The following SORCS3 variants were observed in gnomAD, a reference collection of about 807,000 sequenced individuals.
SORCS3 encodes sortilin related VPS10 domain containing receptor 3.
In SORCS3, 57 loss-of-function variants were observed where a neutral mutation model predicts 146.3. That is an observed-to-expected ratio of 0.39 (90% CI 0.31 to 0.49). SORCS3 has a LOEUF of 0.49. Ranked by LOEUF, SORCS3 falls within the 20% of genes least tolerant of loss-of-function variation. SORCS3 has a pLI of 0.92. For missense variants in SORCS3, 1,341 were observed against 1,575.5 expected (o/e 0.85, Z 2.52); for synonymous variants, 653 against 618.5 (o/e 1.06, Z -0.83).
chr10:105,019,383 G>A (rs2055186126), intron 4 of SORCS3, among the ~76,000 whole-genome samples: 1 of 152,164 alleles, frequency 6.6e-6, no homozygotes, highest in African/African-American at 2.4e-5. Context: ...GAGTCTTTCA[G>A]TCTAGATCCC....
chr10:105,147,480 A>T (rs10160134), intron 8 of SORCS3, 137 bp from the exon 9 acceptor site: 6 of 633,784 alleles, frequency 9.5e-6, no homozygotes, highest in Non-Finnish European at 1.2e-5. Flanking sequence ...GCCTTGGTTC[A>T]ACATGGAATT....
chr10:105,134,659 C>T (rs1378703387), intron 7 of SORCS3, among the ~76,000 whole-genome samples: 5 of 151,956 alleles, frequency 3.3e-5, no homozygotes, highest in African/African-American at 9.7e-5. Context: ...ACCTCTTGAA[C>T]GGCCCCAACT....
At chr10:104,933,372 C>G (rs549010913) in intron 3 of SORCS3, among the ~76,000 whole-genome samples, 3 of 151,332 alleles carry the variant, frequency 2.0e-5, no homozygotes, top group Non-Finnish European at 4.4e-5. Context: ...CCCAGACAGA[C>G]AGTAAAATGT....
chr10:104,885,818 T>C (rs2018676533), intron 2 of SORCS3, among the ~76,000 whole-genome samples: 1 of 152,194 alleles, frequency 6.6e-6, no homozygotes, highest in African/African-American at 2.4e-5. Context: ...TTCTGAGAAT[T>C]TCTCTTAGCT....
chr10:105,088,306 G>A (rs117525990), intron 5 of SORCS3, among the ~76,000 whole-genome samples: 2,857 of 152,020 alleles, frequency 0.019, 46 homozygotes, highest in Non-Finnish European at 0.028. Flanking sequence ...GATAAAATGA[G>A]GTAAAGAAAA....
chr10:105,169,122 C>T (rs1386935082), intron 13 of SORCS3, among the ~76,000 whole-genome samples: 2 of 152,072 alleles, frequency 1.3e-5, no homozygotes, highest in African/African-American at 4.8e-5. Flanking sequence ...TTTTATCACC[C>T]ACTTATAATG....
At chr10:104,745,373 T>G (rs540309588) in intron 1 of SORCS3, among the ~76,000 whole-genome samples, 76 of 152,310 alleles carry the variant, frequency 5.0e-4, no homozygotes, top group Admixed American at 2.4e-3. Context: ...TAGTATATAC[T>G]TATATAGAAG....
At chr10:104,790,802 T>G (rs2017487954) in intron 1 of SORCS3, among the ~76,000 whole-genome samples, 1 of 152,306 alleles carries the variant, frequency 6.6e-6, no homozygotes, top group Admixed American at 6.5e-5. Flanking sequence ...CTAATGACAT[T>G]TACCTTTAGC....
chr10:104,979,275 G>A (rs142336971), intron 4 of SORCS3, among the ~76,000 whole-genome samples: 203 of 152,218 alleles, frequency 1.3e-3, no homozygotes, highest in Non-Finnish European at 2.2e-3. Flanking sequence ...CTTAAATTCT[G>A]TAGTTCTCTA....
intron 6 of SORCS3, among the ~76,000 whole-genome samples, chr10:105,102,018 C>T (rs900519274): frequency 2.0e-5 from 3 of 152,200 alleles, no homozygotes; most frequent in Admixed American, 2.0e-4. Flanking sequence ...CCTCTCCTCT[C>T]AGCCAGAAGT....
chr10:105,148,487 C>G (rs1435846942), intron 9 of SORCS3, among the ~76,000 whole-genome samples: 3 of 152,092 alleles, frequency 2.0e-5, no homozygotes, highest in African/African-American at 7.2e-5. Context: ...TTTATAGTGA[C>G]AGTATGTGAC....
At chr10:104,855,377 T>C (rs1159338485) in intron 2 of SORCS3, among the ~76,000 whole-genome samples, 1 of 152,180 alleles carries the variant, frequency 6.6e-6, no homozygotes, top group Non-Finnish European at 1.5e-5. Context: ...GGGGTTTTGA[T>C]AGGAGTTTTG....
intron 3 of SORCS3, among the ~76,000 whole-genome samples, chr10:104,936,597 A>G (rs2019263144): frequency 6.6e-6 from 1 of 152,166 alleles, no homozygotes; most frequent in African/African-American, 2.4e-5. Context: ...CATCCAGGGG[A>G]AAAGGCTGTT....
intron 2 of SORCS3, among the ~76,000 whole-genome samples, chr10:104,905,313 C>T (rs1193937640): frequency 2.0e-5 from 3 of 152,166 alleles, no homozygotes; most frequent in Non-Finnish European, 2.9e-5. Context: ...TAATTCACTC[C>T]TTGGAAACTG....
Position 105,108,077 on chromosome 10 carries a change from A to G in SORCS3, c.1212+2562A>G, listed in dbSNP as rs76709265. On this transcript the variant is annotated intron_variant, in intron 7 of 26. Coordinates refer to ENST00000369701, the MANE Select transcript of SORCS3 (RefSeq NM_014978.3). ...TATCTACAAAATGTATCAGATAATG[A>G]CAAGTCCTATGAATAAAAATAAATC... 2.8e-3 allele frequency among the ~76,000 whole-genome samples: 431 copies of G among 152,350 alleles called. 2 individuals carry two copies. Among genetic ancestry groups the G allele is most frequent in the Non-Finnish European group, 5.0e-3 (343 of 68,040 alleles).
intron 3 of SORCS3, among the ~76,000 whole-genome samples, chr10:104,972,411 T>C (rs2054865809): frequency 6.6e-6 from 1 of 152,166 alleles, no homozygotes; most frequent in Non-Finnish European, 1.5e-5. Context: ...GGAGAAATAT[T>C]TGCTCAAGGA....
intron 7 of SORCS3, among the ~76,000 whole-genome samples, chr10:105,115,519 A>G (rs930384118): frequency 1.3e-5 from 2 of 152,224 alleles, no homozygotes; most frequent in Non-Finnish European, 2.9e-5. Context: ...TATGTGCATG[A>G]TAAAAGCTTC....
intron 2 of SORCS3, among the ~76,000 whole-genome samples, chr10:104,886,313 CTTAT>C (rs2018683398): frequency 1.3e-5 from 2 of 152,078 alleles, no homozygotes; most frequent in South Asian, 2.1e-4. Context: ...CTAAAATTCT[CTTAT>C]TTATGTGGTG....
At chr10:104,869,214 A>G (rs1053499279) in intron 2 of SORCS3, among the ~76,000 whole-genome samples, 1 of 152,070 alleles carries the variant, frequency 6.6e-6, no homozygotes, top group Admixed American at 6.6e-5. Context: ...TCAAAATTGG[A>G]TTATGTGATT....
Sources: gnomAD v4.1 joint callset for allele counts (sites outside exome capture counted in the v4.1 genomes callset) on GRCh38, gnomAD v4.1.1 for gene constraint, MANE v1.5 for transcripts, NCBI Gene and HGNC (gene_info 2026-07-23, HGNC 2026-07-21) for gene names.